The following TGM5 variants were observed in gnomAD, a reference collection of about 807,000 sequenced individuals.
The protein encoded by TGM5 is protein-glutamine gamma-glutamyltransferase 5.
A neutral mutation model predicts 77.2 loss-of-function variants in TGM5; 69 were observed. That is an observed-to-expected ratio of 0.89 (90% CI 0.74 to 1.09). TGM5 has a LOEUF of 1.09. Ranked by LOEUF, TGM5 falls within the 50% of genes least tolerant of loss-of-function variation. TGM5 has a pLI of 0.00. For synonymous variants in TGM5, 346 were observed against 351.8 expected (o/e 0.98, Z 0.18); for missense variants, 842 against 896.5 (o/e 0.94, Z 0.78).
Position 43,234,861 on chromosome 15 carries a change from G to C in TGM5, c.1783C>G (p.Arg595Gly). The change falls in exon 11 of 13, where the codon CGC becomes GGC. Residue 595 changes from arginine to glycine, a missense_variant. Physicochemically the swap from Arg to Gly is moderately radical, Grantham distance 125. Coordinates refer to ENST00000220420, the MANE Select transcript of TGM5 (RefSeq NM_201631.4). ...SQYLSTDKLI[R>G]ISALGEEKSS... The stretch of plus-strand genomic sequence containing the variant: ...TTCTCTTCACCCAGGGCACTGATGC[G>C]GATCAGCTTGTCTGTTGACAGGTAC... 6.2e-7 allele frequency: 1 copy of C among 1,614,198 alleles called. No homozygotes were observed. Among genetic ancestry groups the C allele is most frequent in the Non-Finnish European group, 8.5e-7 (1 of 1,180,036 alleles).
intron 12 of TGM5, 103 bp from the exon 13 acceptor site, chr15:43,233,447 C>T (rs2042561901): frequency 1.2e-6 from 2 of 1,611,298 alleles, no homozygotes; most frequent in Middle Eastern, 3.5e-4. Context: ...CTTCCACTTT[C>T]CCTTCCCCGG....
In TGM5 at chr15:43,234,772, A is replaced by G; in HGVS notation, c.1872T>C (p.Ile624=). The G allele has an allele frequency of 6.2e-7, 1 of 1,614,212 alleles. No homozygotes were observed. Among genetic ancestry groups the G allele is most frequent in the Admixed American group, 1.7e-5 (1 of 60,030 alleles). The part of the protein sequence containing the change: ...IITLSYPSIT[I]NVLGAAVVNQ... ...CATTTGCAGGACTCCTGCCTACATT[A>G]ATCGTGATGCTTGGATAAGATAAGG... Residue 624 remains isoleucine, a synonymous_variant, in exon 11 of 13, where the codon ATT becomes ATC. Transcript: ENST00000220420.
intron 3 of TGM5, among the ~76,000 whole-genome samples, chr15:43,257,702 A>G (rs923831112): frequency 6.6e-6 from 1 of 152,202 alleles, no homozygotes; most frequent in African/African-American, 2.4e-5. Context: ...TAGAAATACC[A>G]TTTGACCCAG....
At chr15:43,239,109 G>A in intron 8 of TGM5, 53 bp from the exon 9 acceptor site, 1 of 1,614,164 alleles carries the variant, frequency 6.2e-7, no homozygotes, top group Non-Finnish European at 8.5e-7. Context: ...GGCTGGGCAG[G>A]GGTGGGGTGC....
Position 43,235,575 on chromosome 15 carries a change from G to C in TGM5, c.1608C>G (p.Phe536Leu), listed in dbSNP as rs1240313537. ...CACTCAGGTTCACTTTGAGGTCCTT[G>C]AACTGGGAGGACATGTTGAGGGCCA... ...VLLALNMSSQ[F>L]KDLKVNLSAQ... is the part of the protein sequence containing the mutation. The change falls in exon 10 of 13, where the codon TTC becomes TTG. Residue 536 changes from phenylalanine to leucine, a missense_variant. Around this residue, in one of 2 missense-constraint regions of TGM5, gnomAD observed 815 missense variants for 844.6 expected, o/e 0.96. Transcript: ENST00000220420. 1.1e-5 allele frequency: 18 copies of C among 1,614,136 alleles called. No individual in the cohort carries two copies. The highest frequency in any genetic ancestry group is 1.5e-5 in the Non-Finnish European group (18 of 1,180,054).
At chr15:43,241,131 A>T (rs781304805) in intron 6 of TGM5, 141 bp from the exon 7 acceptor site, 24 of 1,131,992 alleles carry the variant, frequency 2.1e-5, no homozygotes, top group Non-Finnish European at 3.1e-5. Flanking sequence ...ACACTGGAAT[A>T]GTGATATTTC....
At chr15:43,261,072 G>GTTTTTTTTTTTTTTTT (rs1566837432) in intron 1 of TGM5, among the ~76,000 whole-genome samples, 1 of 53,880 alleles carries the variant, frequency 1.9e-5, no homozygotes, top group African/African-American at 5.7e-5. Context: ...TTTTTTGTGT[G>GTTTTTTTTTTTTTTTT]TGTGTTTTTT....
chr15:43,247,267 G>A (rs975114204), intron 6 of TGM5, among the ~76,000 whole-genome samples: 1 of 151,214 alleles, frequency 6.6e-6, no homozygotes, highest in Non-Finnish European at 1.5e-5. Context: ...ACAAAATCCA[G>A]TTATCAACAG....
intron 4 of TGM5, among the ~76,000 whole-genome samples, chr15:43,254,024 A>T (rs1310688072): frequency 6.6e-6 from 1 of 152,158 alleles, no homozygotes; most frequent in Non-Finnish European, 1.5e-5. Flanking sequence ...TCACCTGCTG[A>T]CCCAGCTTAG....
chr15:43,264,370 A>G (rs1389078966), intron 1 of TGM5, among the ~76,000 whole-genome samples: 1 of 152,194 alleles, frequency 6.6e-6, no homozygotes, highest in Non-Finnish European at 1.5e-5. Flanking sequence ...AAGTAGAAAC[A>G]ACACAATTGT....
intron 9 of TGM5, 68 bp downstream of exon 9, chr15:43,238,749 G>T: frequency 6.3e-7 from 1 of 1,592,034 alleles, no homozygotes. Flanking sequence ...GATGCTCTCT[G>T]GCTCCCTGGG....
intron 1 of TGM5, among the ~76,000 whole-genome samples, chr15:43,263,490 G>A (rs947865883): frequency 2.6e-5 from 4 of 152,240 alleles, no homozygotes; most frequent in Non-Finnish European, 1.5e-5. Context: ...ATAGAACTGA[G>A]AGTCTAGCAA....
In TGM5 at chr15:43,260,397, T is replaced by C; in HGVS notation, c.190+3A>G. The C allele has an allele frequency of 6.2e-7, 1 of 1,614,158 alleles. No individual in the cohort carries two copies. The highest frequency in any genetic ancestry group is 1.1e-5 in the South Asian group (1 of 91,088). ...GCCCCTGTGAGCCAGCTGGGGTTCT[T>C]ACCAGTTTCAACCACGAAGATGATG... On this transcript the variant is annotated splice_donor_region_variant and intron_variant, in intron 2 of 12. Transcript: ENST00000220420.
In TGM5 at chr15:43,266,839, C is replaced by T. The variant is rs2042827769; in HGVS notation, c.10+1G>A. 6.2e-7 allele frequency: 1 copy of T among 1,614,180 alleles called. No homozygotes were observed. The highest frequency in any genetic ancestry group is 8.5e-7 in the Non-Finnish European group (1 of 1,180,036). On this transcript the variant is annotated splice_donor_variant, in intron 1 of 12. Coordinates refer to ENST00000220420, the MANE Select transcript of TGM5 (RefSeq NM_201631.4). LOFTEE classifies it high-confidence loss of function. The stretch of plus-strand genomic sequence containing the variant: ...CCAGTGGCCACAGGGGCTTTCCCTA[C>T]CTTGGGCCATGGTAGCTGCCTCCGG...
chr15:43,260,174 C>T lies in TGM5; in HGVS notation c.314G>A (p.Cys105Tyr), dbSNP rs116753155. The change falls in exon 3 of 13, where the codon TGC becomes TAC. Residue 105 changes from cysteine (C) to tyrosine (Y), a missense_variant. Cys to Tyr is a radical substitution (Grantham distance 194). Around this residue, in one of 2 missense-constraint regions of TGM5, gnomAD observed 815 missense variants for 844.6 expected, o/e 0.96. Transcript: ENST00000220420. The stretch of plus-strand genomic sequence containing the variant: ...ACCCACGGCCGCCGTGGGAGGAGCG[C>T]ACAAGCTCACCTCTGTGGAGGTGGC... ...NGATSTEVSL[C>Y]APPTAAVGRY... 1.7e-3 allele frequency: 2,737 copies of T among 1,614,108 alleles called. 60 individuals carry two copies. In the East Asian group the frequency reaches 0.05, roughly 29 times the overall value.
chr15:43,245,319 A>G (rs184661519), intron 6 of TGM5, among the ~76,000 whole-genome samples: 44 of 152,268 alleles, frequency 2.9e-4, no homozygotes, highest in African/African-American at 1.0e-3. Context: ...GATGACTTTT[A>G]TCACCTTTTA....
Position 43,256,700 on chromosome 15 carries a change from TG to T in TGM5, c.437-15del, listed in dbSNP as rs2042744731. The T allele has an allele frequency of 1.3e-6, 2 of 1,575,814 alleles. No homozygotes were observed. The highest frequency in any genetic ancestry group is 2.2e-5 in the South Asian group (2 of 90,258). ...AGACAGCATCCTCTAGGAACCAGAG[TG>T]GGAGGGCACGAAGCAGAAAAGTCAC... On this transcript the variant is annotated splice_polypyrimidine_tract_variant and intron_variant, in intron 3 of 12. Coordinates refer to ENST00000220420, the MANE Select transcript of TGM5 (RefSeq NM_201631.4).
At chr15:43,248,144 C>G (rs1596446042) in intron 6 of TGM5, among the ~76,000 whole-genome samples, 2 of 152,264 alleles carry the variant, frequency 1.3e-5, no homozygotes, top group South Asian at 2.1e-4. Flanking sequence ...GAGAGGGGAA[C>G]TGAAGTTTCA....
chr15:43,244,871 C>G (rs1447188252), intron 6 of TGM5, among the ~76,000 whole-genome samples: 1 of 152,002 alleles, frequency 6.6e-6, no homozygotes, highest in African/African-American at 2.4e-5. Context: ...AGTTTGAGAC[C>G]AGCCTGGGCA....
Sources: allele counts gnomAD v4.1 joint callset (sites outside exome capture counted in the v4.1 genomes callset), GRCh38; gene constraint gnomAD v4.1.1; regional missense constraint gnomAD v4.1.1; transcripts MANE v1.5; gene names NCBI Gene and HGNC (gene_info 2026-07-23, HGNC 2026-07-21).